Variants in KLHL25 observed in about 807,000 individuals in gnomAD.
KLHL25 encodes the protein kelch like family member 25.
A neutral mutation model predicts 30.0 loss-of-function variants in KLHL25; 41 were observed. The observed-to-expected ratio is 1.37, with a 90% CI of 1.07 to 1.78. The LOEUF is 1.78. Among genes scored for constraint, KLHL25 ranks in the 40% most tolerant of loss-of-function variants. The probability of loss-of-function intolerance (pLI) is 0.00; values close to 1 mark genes in which losing one functional copy is unlikely to be tolerated. For synonymous variants in KLHL25, 399 were observed against 355.3 expected, an observed-to-expected ratio of 1.12 and a Z score of -1.38; for missense variants, 971 against 824.5, an observed-to-expected ratio of 1.18 and a Z score of -2.18.
intron 1 of KLHL25, among the ~76,000 whole-genome samples, chr15:85,775,311 C>A (rs568003001): frequency 3.5e-4 from 54 of 152,324 alleles, no homozygotes; most frequent in African/African-American, 1.2e-3. Flanking sequence ...TGGACCCAAG[C>A]ACAAGACTTA....
intron 2 of KLHL25, chr15:85,762,712 T>C (rs1041036960): frequency 6.6e-6 from 1 of 152,408 alleles, no homozygotes; most frequent in African/African-American, 2.4e-5. Flanking sequence ...CAGGAACGAA[T>C]GACTGCTGAT....
At chr15:85,777,289 G>A (rs989075286) in intron 1 of KLHL25, among the ~76,000 whole-genome samples, 2 of 152,318 alleles carry the variant, frequency 1.3e-5, no homozygotes, top group East Asian at 1.9e-4. Flanking sequence ...CAGCCCTTCC[G>A]CAGCCTCTGA....
chr15:85,792,172 T>A lies in KLHL25; in HGVS notation c.-11+2594A>T, dbSNP rs577200979. Among the ~76,000 whole-genome samples, 13 of 152,284 alleles carry A rather than the reference T, an allele frequency of 8.5e-5. No homozygotes were observed. In the South Asian group the frequency reaches 2.7e-3, roughly 32 times the overall value. On this transcript the variant is annotated intron_variant, in intron 1 of 2. Transcript: ENST00000337975. ...TGGGCTGACTTCCATCAGCTGGGGA[T>A]AGCTGCTGATTGATAAGTCCTGTTG... is the stretch of plus-strand genomic sequence containing the variant.
chr15:85,773,513 C>T (rs899860585), intron 1 of KLHL25, among the ~76,000 whole-genome samples: 4 of 152,232 alleles, frequency 2.6e-5, no homozygotes, highest in Non-Finnish European at 2.9e-5. Flanking sequence ...GGCAGCTCAG[C>T]GGGTGGCATC....
At chr15:85,773,634 G>A (rs148217123) in intron 1 of KLHL25, among the ~76,000 whole-genome samples, 2 of 152,196 alleles carry the variant, frequency 1.3e-5, no homozygotes, top group Admixed American at 6.5e-5. Flanking sequence ...CCTCCGAACT[G>A]CTGTGATGGG....
At chr15:85,764,928 C>T (rs146621715) in intron 2 of KLHL25, among the ~76,000 whole-genome samples, 6 of 152,376 alleles carry the variant, frequency 3.9e-5, no homozygotes, top group Admixed American at 2.6e-4. Context: ...CAAAAAGTCA[C>T]AACCAAGACA....
At chr15:85,782,401 G>A (rs1347957567) in intron 1 of KLHL25, among the ~76,000 whole-genome samples, 2 of 151,644 alleles carry the variant, frequency 1.3e-5, no homozygotes, top group Admixed American at 6.6e-5. Context: ...AATTGTGAGC[G>A]CTCCTGCTCA....
chr15:85,773,686 G>A (rs1395266687), intron 1 of KLHL25, among the ~76,000 whole-genome samples: 3 of 152,210 alleles, frequency 2.0e-5, no homozygotes. Context: ...ATACTAAGAT[G>A]TTCACTGGAA....
At chr15:85,773,203 C>A (rs1470566256) in intron 1 of KLHL25, among the ~76,000 whole-genome samples, 1 of 152,242 alleles carries the variant, frequency 6.6e-6, no homozygotes, top group East Asian at 1.9e-4. Context: ...ACACCCAGGA[C>A]AGATCCCGGC....
chr15:85,767,987 C>A, intron 2 of KLHL25, 30 bp downstream of exon 2: 1 of 1,451,812 alleles, frequency 6.9e-7, no homozygotes, highest in Non-Finnish European at 9.4e-7. Flanking sequence ...TTTCCGGACC[C>A]AGAGTGGCCG....
chr15:85,770,046 C>T (rs1326849871), intron 1 of KLHL25, among the ~76,000 whole-genome samples: 9 of 152,230 alleles, frequency 5.9e-5, no homozygotes, highest in Admixed American at 4.6e-4. Flanking sequence ...AGGGTATGAG[C>T]CAGCTCTGGG....
intron 1 of KLHL25, among the ~76,000 whole-genome samples, chr15:85,786,929 G>A (rs2089785052): frequency 6.6e-6 from 1 of 152,176 alleles, no homozygotes; most frequent in African/African-American, 2.4e-5. Context: ...GCAGGGGCGG[G>A]CAGGGATTAA....
intron 2 of KLHL25, chr15:85,762,224 T>A (rs1213684410): frequency 1.3e-5 from 2 of 152,374 alleles, no homozygotes; most frequent in Non-Finnish European, 2.9e-5. Flanking sequence ...AACCCGAACC[T>A]CTGGGGCCTG....
At position 85,768,125 on chromosome 15, in the gene KLHL25, TG is replaced by T; in HGVS notation, c.1685del (p.Ser562Ter). ...CTGTGGTGATGCAGTTCCATGTATC[TG>T]AAGTGGGGTCATAGCAGTCCAGAGT... ...CKTLDCYDPT[S>X]DTWNCITTVP... On this transcript the variant is annotated frameshift_variant, in exon 2 of 3. Transcript: ENST00000337975. LOFTEE classifies it low-confidence loss of function (END_TRUNC). The T allele has an allele frequency of 6.2e-7, 1 of 1,614,210 alleles. No individual in the cohort carries two copies. Among genetic ancestry groups the T allele is most frequent in the Non-Finnish European group, 8.5e-7 (1 of 1,180,028 alleles).
In KLHL25 at chr15:85,760,236, C is replaced by G. The variant is rs922083659; in HGVS notation, c.*800G>C. 6.6e-6 allele frequency: 1 copy of G among 152,188 alleles called. No individual in the cohort carries two copies. Among genetic ancestry groups the G allele is most frequent in the Non-Finnish European group, 1.5e-5 (1 of 68,050 alleles). 9.4% of individuals were successfully genotyped at this position (152,188 alleles called of 1,614,324 possible). On this transcript the variant is annotated 3_prime_UTR_variant, in exon 3 of 3. Transcript: ENST00000337975. ...GTTGGCAGGTGTGTGCCATGGGGGT[C>G]ACTGCTGCCTCTCAGGGTGGGCTCT... is the stretch of plus-strand genomic sequence containing the variant.
At chr15:85,776,183 A>AAAAG (rs1555470185) in intron 1 of KLHL25, among the ~76,000 whole-genome samples, 87 of 149,418 alleles carry the variant, frequency 5.8e-4, no homozygotes, top group Middle Eastern at 3.6e-3. Flanking sequence ...AAAAAAAAAA[A>AAAAG]AAAGAAAGAA....
chr15:85,767,927 CGG>C, intron 2 of KLHL25, 88 bp downstream of exon 2: 1 of 841,536 alleles, frequency 1.2e-6, no homozygotes, highest in Admixed American at 2.8e-5. Flanking sequence ...CTGGAAGACA[CGG>C]TGACCTTCAC....
chr15:85,771,789 C>T lies in KLHL25; in HGVS notation c.-10-1969G>A, dbSNP rs375969963. Among the ~76,000 whole-genome samples the T allele has an allele frequency of 4.6e-5, 7 of 152,342 alleles. No homozygotes were observed. In the South Asian group the frequency reaches 1.2e-3, roughly 27 times the overall value. ...GCTGTATCCTGGCTCCACCTCCATC[C>T]TGTACCTCACTATTATTTTCTTGTA... On this transcript the variant is annotated intron_variant, in intron 1 of 2. Transcript: ENST00000337975.
At chr15:85,790,673 G>C (rs960834903) in intron 1 of KLHL25, among the ~76,000 whole-genome samples, 6 of 152,088 alleles carry the variant, frequency 3.9e-5, no homozygotes, top group Non-Finnish European at 7.4e-5. Context: ...CAGGTTCCAG[G>C]TCTGAGGGCT....
Sources: allele counts gnomAD v4.1 joint callset (sites outside exome capture counted in the v4.1 genomes callset), GRCh38; gene constraint gnomAD v4.1.1; transcripts MANE v1.5; gene names NCBI Gene and HGNC (gene_info 2026-07-23, HGNC 2026-07-21).